NFS1: variants seen among roughly 807,000 people sequenced by gnomAD.
NFS1 encodes the protein NFS1 cysteine desulfurase.
A neutral mutation model predicts 57.3 loss-of-function variants in NFS1; 26 were observed. The ratio of observed to expected loss-of-function variants is 0.45; its 90% CI spans 0.33 to 0.63. The LOEUF (loss-of-function observed/expected upper bound fraction) is 0.63. Among genes scored for constraint, NFS1 ranks in the 20% least tolerant of loss-of-function variants. The probability of loss-of-function intolerance (pLI) is 0.02; values close to 1 mark genes in which losing one functional copy is unlikely to be tolerated. For missense variants in NFS1, 505 were observed against 605.8 expected (o/e 0.83, Z 1.75); for synonymous variants, 209 against 216.3 (o/e 0.97, Z 0.30).
intron 7 of NFS1, 108 bp downstream of exon 7, chr20:35,680,629 G>C (rs975462099): frequency 2.0e-6 from 2 of 999,558 alleles, no homozygotes; most frequent in Admixed American, 3.5e-5. Flanking sequence ...GACTCTGAAT[G>C]TACAACTTCC....
intron 1 of NFS1, 194 bp from the exon 2 acceptor site, chr20:35,698,784 G>C (rs1225503198): frequency 1.4e-6 from 2 of 1,393,672 alleles, no homozygotes; most frequent in African/African-American, 3.0e-5. Flanking sequence ...AGGGAGAGAG[G>C]GTTCCTGGAG....
At chr20:35,674,036 A>G (rs1237862160) in intron 10 of NFS1, 2 of 457,672 alleles carry the variant, frequency 4.4e-6, no homozygotes, top group Non-Finnish European at 8.0e-6. Context: ...GCAGCCAAAC[A>G]CTTAGTGGCC....
At chr20:35,697,843 A>T (rs2035165128) in intron 2 of NFS1, 43 bp from the exon 3 acceptor site, 3 of 1,385,966 alleles carry the variant, frequency 2.2e-6, no homozygotes, top group African/African-American at 1.4e-5. Context: ...GCGCATCGTC[A>T]ATTCAGGTCC....
At chr20:35,696,017 C>G (rs776824619) in intron 4 of NFS1, among the ~76,000 whole-genome samples, 1 of 150,200 alleles carries the variant, frequency 6.7e-6, no homozygotes, top group East Asian at 2.0e-4. Flanking sequence ...TCCAGCCTGG[C>G]GACAGAGTGA....
In NFS1 at chr20:35,681,070, G is replaced by A. The variant is rs139593793; in HGVS notation, c.656-199C>T. 2.9e-3 allele frequency among the ~76,000 whole-genome samples: 436 copies of A among 149,360 alleles called. 1 individual carries two copies. Among genetic ancestry groups the A allele is most frequent in the African/African-American group, 0.01 (407 of 40,400 alleles). On this transcript the variant is annotated intron_variant, in intron 6 of 12. Coordinates refer to ENST00000374092, the MANE Select transcript of NFS1 (RefSeq NM_021100.5). ...CTTCCTCCCTCTCTGTGTCTCAGTA[G>A]CTTCCCTTCTTTAGAATAAAAAAGA...
intron 5 of NFS1, among the ~76,000 whole-genome samples, chr20:35,683,206 G>A (rs575296218): frequency 1.3e-4 from 19 of 151,750 alleles, no homozygotes; most frequent in Admixed American, 3.3e-4. Flanking sequence ...ACTGCCAGCC[G>A]GGTGTGGTGG....
intron 1 of NFS1, chr20:35,698,853 AC>A: frequency 7.4e-7 from 1 of 1,350,696 alleles, no homozygotes; most frequent in Non-Finnish European, 9.5e-7. Context: ...AAGGGCAAAG[AC>A]GTTTAGAAGG....
Position 35,675,039 on chromosome 20 carries a change from C to G in NFS1, c.948+6G>C. 13 of 1,613,928 alleles carry G rather than the reference C, an allele frequency of 8.1e-6. No individual in the cohort carries two copies. Among genetic ancestry groups the G allele is most frequent in the Non-Finnish European group, 1.0e-5 (12 of 1,179,876 alleles). ...AAGTTGTGGGAGGGAACTGCTCTCC[C>G]CATACCTCCATCTCTTGCTGTGCCA... is the stretch of plus-strand genomic sequence containing the variant. On this transcript the variant is annotated splice_donor_region_variant and intron_variant, in intron 8 of 12. Transcript: ENST00000374092.
At chr20:35,690,603 T>A (rs1480346679) in intron 4 of NFS1, 38 bp from the exon 5 acceptor site, 1 of 1,607,758 alleles carries the variant, frequency 6.2e-7, no homozygotes, top group Non-Finnish European at 8.5e-7. Context: ...GAGAACATAC[T>A]CAGAGAGACA....
intron 5 of NFS1, among the ~76,000 whole-genome samples, chr20:35,682,421 T>G (rs2034863187): frequency 6.6e-6 from 1 of 152,244 alleles, no homozygotes; most frequent in Admixed American, 6.5e-5. Context: ...GGACTACTAC[T>G]TATCAATCAA....
intron 12 of NFS1, among the ~76,000 whole-genome samples, chr20:35,672,323 C>A (rs894988888): frequency 4.9e-4 from 74 of 151,872 alleles, no homozygotes; most frequent in African/African-American, 1.7e-3. Context: ...AATCTTGGCT[C>A]AACGCAACCT....
chr20:35,681,647 G>A (rs2146421463), intron 6 of NFS1, among the ~76,000 whole-genome samples: 1 of 152,204 alleles, frequency 6.6e-6, no homozygotes, highest in Admixed American at 6.5e-5. Flanking sequence ...GCAGGGAGCT[G>A]AGATCACACC....
intron 12 of NFS1, among the ~76,000 whole-genome samples, chr20:35,671,535 C>T (rs117499904): frequency 0.018 from 2,781 of 152,270 alleles, 31 homozygotes; most frequent in Non-Finnish European, 0.029. Context: ...TGTGCCACTG[C>T]ACTCCAGCCT....
chr20:35,684,632 C>T (rs926011741), intron 5 of NFS1, among the ~76,000 whole-genome samples: 1 of 149,986 alleles, frequency 6.7e-6, no homozygotes, highest in South Asian at 2.1e-4. Flanking sequence ...CACCTGTAAT[C>T]CAAGCTACTT....
At chr20:35,675,006 A>G (rs1568956596) in intron 8 of NFS1, 39 bp downstream of exon 8, 3 of 1,613,234 alleles carry the variant, frequency 1.9e-6, no homozygotes, top group Non-Finnish European at 2.5e-6. Flanking sequence ...GACCCAGCAC[A>G]GGGGAAGAAG....
At chr20:35,688,310 T>G (rs1256358664) in intron 5 of NFS1, among the ~76,000 whole-genome samples, 2 of 151,164 alleles carry the variant, frequency 1.3e-5, no homozygotes, top group African/African-American at 4.9e-5. Flanking sequence ...ATCCCAGCAC[T>G]TTGGGGGGCC....
At chr20:35,669,728 G>C (rs559173224) in intron 12 of NFS1, 43 bp from the exon 13 acceptor site, 1 of 1,579,782 alleles carries the variant, frequency 6.3e-7, no homozygotes, top group Non-Finnish European at 8.7e-7. Flanking sequence ...GGCTTAGATA[G>C]GAAGTCGACA....
At chr20:35,688,793 G>C (rs1033457709) in intron 5 of NFS1, among the ~76,000 whole-genome samples, 3 of 151,578 alleles carry the variant, frequency 2.0e-5, no homozygotes, top group Non-Finnish European at 2.9e-5. Context: ...AGGAAGGAAG[G>C]GAGGCAGGGA....
intron 12 of NFS1, 50 bp from the exon 13 acceptor site, chr20:35,669,735 G>A (rs374314641): frequency 2.7e-5 from 41 of 1,543,144 alleles, no homozygotes; most frequent in East Asian, 2.2e-4. Context: ...ATAGGAAGTC[G>A]ACAACATTGG....
Sources: gnomAD v4.1 joint callset for allele counts (sites outside exome capture counted in the v4.1 genomes callset) on GRCh38, gnomAD v4.1.1 for gene constraint, MANE v1.5 for transcripts, NCBI Gene and HGNC (gene_info 2026-07-23, HGNC 2026-07-21) for gene names.